The following PHF2 variants were observed in gnomAD, a reference collection of about 807,000 sequenced individuals.
PHF2 encodes lysine-specific demethylase PHF2.
Under a neutral mutation model 120.5 loss-of-function variants are expected in PHF2, and 27 were observed. The observed-to-expected ratio is 0.22, with a 90% CI of 0.17 to 0.31. The LOEUF is 0.31. PHF2 is among the 10% of genes least tolerant of loss of function. The pLI is 1.00. For synonymous variants in PHF2, 568 were observed against 592.5 expected (o/e 0.96, Z 0.60); for missense variants, 1,024 against 1,434.8 (o/e 0.71, Z 4.63).
intron 6 of PHF2, 53 bp downstream of exon 6, chr9:93,653,418 G>T: frequency 6.3e-7 from 1 of 1,578,150 alleles, no homozygotes. Context: ...TGACCCATCT[G>T]CAGGATTGTC....
At chr9:93,601,366 G>A (rs1474168903) in intron 1 of PHF2, among the ~76,000 whole-genome samples, 3 of 152,184 alleles carry the variant, frequency 2.0e-5, no homozygotes, top group African/African-American at 7.2e-5. Flanking sequence ...AGGTTGGTTC[G>A]GGCTTGAGAG....
At chr9:93,588,569 C>G (rs985800813) in intron 1 of PHF2, among the ~76,000 whole-genome samples, 1 of 152,184 alleles carries the variant, frequency 6.6e-6, no homozygotes, top group African/African-American at 2.4e-5. Context: ...CTCCCCACTC[C>G]CCTGCCATGC....
chr9:93,642,546 T>G (rs1826187876), intron 3 of PHF2, among the ~76,000 whole-genome samples: 1 of 152,264 alleles, frequency 6.6e-6, no homozygotes, highest in Admixed American at 6.5e-5. Flanking sequence ...AAAGCTGTTT[T>G]TCTTTAATTC....
chr9:93,619,325 G>C (rs575292440), intron 1 of PHF2, among the ~76,000 whole-genome samples: 1 of 152,210 alleles, frequency 6.6e-6, no homozygotes, highest in Admixed American at 6.5e-5. Context: ...GGGACCAGGC[G>C]ACTTGATCCT....
intron 1 of PHF2, among the ~76,000 whole-genome samples, chr9:93,578,697 G>GA (rs1193614339): frequency 6.6e-6 from 1 of 152,186 alleles, no homozygotes; most frequent in African/African-American, 2.4e-5. Flanking sequence ...GAGGCCAAGG[G>GA]AAAAACTCCA....
chr9:93,611,574 G>C (rs1325451060), intron 1 of PHF2, among the ~76,000 whole-genome samples: 2 of 152,166 alleles, frequency 1.3e-5, no homozygotes, highest in African/African-American at 4.8e-5. Context: ...GCAGTGGTGT[G>C]GTCATAGCTC....
At chr9:93,587,657 C>G (rs1184488437) in intron 1 of PHF2, among the ~76,000 whole-genome samples, 1 of 152,020 alleles carries the variant, frequency 6.6e-6, no homozygotes, top group East Asian at 1.9e-4. Context: ...GTGTCTAACC[C>G]TACCACCCTG....
intron 14 of PHF2, among the ~76,000 whole-genome samples, chr9:93,664,163 C>T (rs900966654): frequency 6.6e-6 from 1 of 152,160 alleles, no homozygotes; most frequent in Non-Finnish European, 1.5e-5. Flanking sequence ...TCTCAGAGCC[C>T]GGTGGCCAGT....
chr9:93,645,869 C>T (rs1564392938), intron 4 of PHF2, 80 bp downstream of exon 4: 1 of 1,446,770 alleles, frequency 6.9e-7, no homozygotes, highest in Non-Finnish European at 9.2e-7. Context: ...TGCTGTTTCC[C>T]CACGCCCTGG....
intron 1 of PHF2, among the ~76,000 whole-genome samples, chr9:93,583,831 T>C (rs545016723): frequency 0.13 from 8,854 of 65,980 alleles, 495 homozygotes; most frequent in African/African-American, 0.24. Flanking sequence ...CTTTTCTTTT[T>C]TTTTTTTTTT....
intron 1 of PHF2, among the ~76,000 whole-genome samples, chr9:93,619,365 C>T (rs1825786115): frequency 6.6e-6 from 1 of 152,244 alleles, no homozygotes; most frequent in South Asian, 2.1e-4. Flanking sequence ...GCTCAGAGGG[C>T]CTGATTCGGC....
rs1270354020 is a variant in PHF2 at position 93,675,039 on chromosome 9, G to A, written c.2722+17G>A. 2 of 1,599,558 alleles carry A rather than the reference G, an allele frequency of 1.3e-6. No individual in the cohort carries two copies. The highest frequency in any genetic ancestry group is 1.7e-4 in the Middle Eastern group (1 of 6,032). On this transcript the variant is annotated intron_variant, in intron 19 of 21. Transcript: ENST00000359246. ...GCCCAACAGGTAGTGCTGGGACAGGGGTAGGGGGTCCACCTGACACCCAGT... is the reference window on the plus strand; with the variant it reads ...GCCCAACAGGTAGTGCTGGGACAGGAGTAGGGGGTCCACCTGACACCCAGT...
chr9:93,646,546 C>A (rs10992822), intron 4 of PHF2, among the ~76,000 whole-genome samples: 4,222 of 152,346 alleles, frequency 0.028, 185 homozygotes, highest in African/African-American at 0.095. Context: ...GGCACACTGG[C>A]CTCTCAGTGC....
intron 3 of PHF2, among the ~76,000 whole-genome samples, chr9:93,642,460 C>T (rs1826186694): frequency 6.6e-6 from 1 of 152,222 alleles, no homozygotes; most frequent in African/African-American, 2.4e-5. Flanking sequence ...AAAATACATA[C>T]TGTCTTGTCT....
chr9:93,678,046 A>G lies in PHF2; in HGVS notation c.*370A>G, dbSNP rs1140722. Reference sequence around the variant, plus strand: ...CCTTCAAGGAAGACAGAGTGAGCCAATGCTCACCAGCCCCAGAGTCAGAGC... The same window carrying G: ...CCTTCAAGGAAGACAGAGTGAGCCAGTGCTCACCAGCCCCAGAGTCAGAGC... On this transcript the variant is annotated 3_prime_UTR_variant, in exon 22 of 22. Coordinates refer to ENST00000359246, the MANE Select transcript of PHF2 (RefSeq NM_005392.4). 62,952 of 187,522 alleles carry G rather than the reference A, an allele frequency of 0.34. 11,232 individuals are homozygous for G. Among genetic ancestry groups the G allele is most frequent in the Non-Finnish European group, 0.39 (35,540 of 90,926 alleles). The allele number at this position is 187,522 out of a possible 1,614,324, so 11.6% of individuals were successfully genotyped here.
At chr9:93,670,531 G>C (rs1826763142) in intron 17 of PHF2, among the ~76,000 whole-genome samples, 1 of 152,240 alleles carries the variant, frequency 6.6e-6, no homozygotes. Context: ...AGACAGGTGA[G>C]GGTCCTGGCT....
At chr9:93,666,991 T>C in intron 16 of PHF2, 89 bp from the exon 17 acceptor site, 1 of 1,041,480 alleles carries the variant, frequency 9.6e-7, no homozygotes, top group East Asian at 2.9e-5. Context: ...GTTTAGTCCC[T>C]GAAGGGAAAA....
intron 1 of PHF2, among the ~76,000 whole-genome samples, chr9:93,601,936 G>A (rs952084196): frequency 6.6e-6 from 1 of 151,252 alleles, no homozygotes; most frequent in African/African-American, 2.4e-5. Context: ...GAGTGCGGGG[G>A]TGGTAGGGTG....
At chr9:93,673,911 G>T in intron 18 of PHF2, 49 bp downstream of exon 18, 1 of 1,503,788 alleles carries the variant, frequency 6.6e-7, no homozygotes, top group Non-Finnish European at 9.0e-7. Flanking sequence ...GCCCTAGAAG[G>T]CCTGGCTGAG....
Sources: gnomAD v4.1 joint callset for allele counts (sites outside exome capture counted in the v4.1 genomes callset) on GRCh38, gnomAD v4.1.1 for gene constraint, MANE v1.5 for transcripts, NCBI Gene and HGNC (gene_info 2026-07-23, HGNC 2026-07-21) for gene names.